Variants in TAFA5 observed in about 807,000 individuals in gnomAD.
TAFA5 encodes the protein TAFA chemokine like family member 5.
Under a neutral mutation model 15.3 loss-of-function variants are expected in TAFA5, and 6 were observed. That is an observed-to-expected ratio of 0.39 (90% CI 0.21 to 0.77). The LOEUF (loss-of-function observed/expected upper bound fraction) is 0.77. TAFA5 is among the 30% of genes least tolerant of loss of function. The pLI, the probability that TAFA5 is intolerant of heterozygous loss-of-function variation, is 0.41. For missense variants in TAFA5, 161 were observed against 193.1 expected (o/e 0.83, Z 0.98); for synonymous variants, 103 against 80.7 (o/e 1.28, Z -1.48).
chr22:48,667,366 G>C (rs966441001), intron 2 of TAFA5, among the ~76,000 whole-genome samples: 2 of 152,326 alleles, frequency 1.3e-5, no homozygotes, highest in South Asian at 2.1e-4. Context: ...TCAGGAGGCA[G>C]ACCAGGAGGA....
At chr22:48,669,900 G>A (rs989173836) in intron 2 of TAFA5, among the ~76,000 whole-genome samples, 3 of 152,226 alleles carry the variant, frequency 2.0e-5, no homozygotes, top group Non-Finnish European at 2.9e-5. Context: ...CTAAGGCTGT[G>A]CTGCCTCCCG....
intron 1 of TAFA5, among the ~76,000 whole-genome samples, chr22:48,492,349 A>G (rs1429327880): frequency 6.6e-6 from 1 of 152,240 alleles, no homozygotes; most frequent in African/African-American, 2.4e-5. Flanking sequence ...ACTGATAAGT[A>G]TCATACAGCG....
chr22:48,634,548 CTCAG>C (rs1926374906), intron 1 of TAFA5, among the ~76,000 whole-genome samples: 1 of 151,954 alleles, frequency 6.6e-6, no homozygotes, highest in African/African-American at 2.4e-5. Context: ...CAATCATTCA[CTCAG>C]TCATTCACTG....
At chr22:48,559,454 C>T (rs1017725510) in intron 1 of TAFA5, among the ~76,000 whole-genome samples, 8 of 152,122 alleles carry the variant, frequency 5.3e-5, no homozygotes, top group African/African-American at 1.4e-4. Context: ...ACCCACACTG[C>T]GGGGTCCCCT....
At chr22:48,562,359 C>T (rs565822373) in intron 1 of TAFA5, among the ~76,000 whole-genome samples, 81 of 152,288 alleles carry the variant, frequency 5.3e-4, no homozygotes, top group East Asian at 3.3e-3. Flanking sequence ...AGGATGGTCT[C>T]GATCTCCTGA....
At chr22:48,694,687 C>T (rs1928647706) in intron 2 of TAFA5, among the ~76,000 whole-genome samples, 1 of 152,120 alleles carries the variant, frequency 6.6e-6, no homozygotes, top group African/African-American at 2.4e-5. Flanking sequence ...GTCCCCGGGC[C>T]ACAGTGCCCT....
intron 1 of TAFA5, among the ~76,000 whole-genome samples, chr22:48,595,125 C>A (rs1483073159): frequency 6.6e-6 from 1 of 152,146 alleles, no homozygotes; most frequent in African/African-American, 2.4e-5. Flanking sequence ...CTGAGTGTGG[C>A]CCTGCTGTGC....
intron 2 of TAFA5, among the ~76,000 whole-genome samples, chr22:48,664,211 C>T (rs983640636): frequency 2.6e-5 from 4 of 152,170 alleles, no homozygotes; most frequent in African/African-American, 4.8e-5. Context: ...CTCTGCCGTT[C>T]CAGTCAGCCA....
chr22:48,724,188 T>TTGCATTGC (rs1183349679), intron 3 of TAFA5, among the ~76,000 whole-genome samples: 2 of 152,234 alleles, frequency 1.3e-5, no homozygotes, highest in Non-Finnish European at 2.9e-5. Flanking sequence ...GGGGTTCTCG[T>TTGCATTGC]TGCATTGCTG....
chr22:48,657,689 T>A (rs932628283), intron 2 of TAFA5, among the ~76,000 whole-genome samples: 21 of 151,930 alleles, frequency 1.4e-4, no homozygotes, highest in Non-Finnish European at 2.9e-4. Context: ...ATGGGGACAG[T>A]GACATCCATG....
At chr22:48,707,158 C>A (rs1255670311) in intron 2 of TAFA5, among the ~76,000 whole-genome samples, 2 of 151,378 alleles carry the variant, frequency 1.3e-5, no homozygotes, top group South Asian at 2.1e-4. Context: ...CGGGCATCTG[C>A]AGATGAGACG....
intron 1 of TAFA5, among the ~76,000 whole-genome samples, chr22:48,491,437 G>GTAGTGCCCTGAGCCCA (rs1434086193): frequency 1.3e-5 from 2 of 152,174 alleles, no homozygotes; most frequent in Non-Finnish European, 2.9e-5. Context: ...GGGAGGGGCT[G>GTAGTGCCCTGAGCCCA]TAGTGCCCTG....
rs1163840119 is a variant in TAFA5, at chr22:48,585,311, C to G, written c.113-61286C>G. 2.0e-5 allele frequency among the ~76,000 whole-genome samples: 3 copies of G among 150,852 alleles called. No homozygotes were observed. In the South Asian group the frequency reaches 6.3e-4, roughly 32 times the overall value. On this transcript the variant is annotated intron_variant, in intron 1 of 3. Transcript: ENST00000402357. ...ACACACACATAAAATACACCACATA[C>G]ACATACAAAATATTCACACACACAC...
chr22:48,633,897 T>G (rs1926338123), intron 1 of TAFA5, among the ~76,000 whole-genome samples: 1 of 152,242 alleles, frequency 6.6e-6, no homozygotes, highest in Non-Finnish European at 1.5e-5. Context: ...TGTGCCACTG[T>G]GTTTATTTCT....
intron 1 of TAFA5, among the ~76,000 whole-genome samples, chr22:48,616,335 T>C (rs1164790456): frequency 5.3e-5 from 8 of 152,214 alleles, no homozygotes; most frequent in Admixed American, 5.2e-4. Flanking sequence ...GGTCGAGGCC[T>C]GATGAGCCTG....
chr22:48,656,576 C>T (rs1039917873), intron 2 of TAFA5, among the ~76,000 whole-genome samples: 3 of 151,336 alleles, frequency 2.0e-5, no homozygotes, highest in South Asian at 2.1e-4. Flanking sequence ...AAAATATCCA[C>T]GTGAACACAC....
At chr22:48,745,788 C>T (rs568249746) in intron 3 of TAFA5, among the ~76,000 whole-genome samples, 4 of 152,300 alleles carry the variant, frequency 2.6e-5, no homozygotes, top group South Asian at 4.1e-4. Context: ...TCATATAAAC[C>T]GTGGCTCTTC....
intron 2 of TAFA5, among the ~76,000 whole-genome samples, chr22:48,648,417 G>A (rs1483394381): frequency 2.0e-5 from 3 of 152,220 alleles, no homozygotes; most frequent in South Asian, 2.1e-4. Flanking sequence ...TTGAGAACAC[G>A]GGGTCAGGGA....
At chr22:48,597,970 T>C (rs923710468) in intron 1 of TAFA5, among the ~76,000 whole-genome samples, 3 of 151,854 alleles carry the variant, frequency 2.0e-5, no homozygotes, top group Non-Finnish European at 4.4e-5. Context: ...GTGGGGGGAG[T>C]GTACCTGTCA....
Sources: allele counts gnomAD v4.1 joint callset (sites outside exome capture counted in the v4.1 genomes callset), GRCh38; gene constraint gnomAD v4.1.1; transcripts MANE v1.5; gene names NCBI Gene and HGNC (gene_info 2026-07-23, HGNC 2026-07-21).